CDH4: variants seen among roughly 807,000 people sequenced by gnomAD.
CDH4 encodes cadherin-4.
CDH4 carries 33 observed loss-of-function variants against 86.0 expected under a neutral mutation model. That is an observed-to-expected ratio of 0.38 (90% CI 0.29 to 0.51). The LOEUF (loss-of-function observed/expected upper bound fraction) is 0.51. Among genes scored for constraint, CDH4 ranks in the 20% least tolerant of loss-of-function variants. The pLI is 0.86. For missense variants in CDH4, 1,114 were observed against 1,307.4 expected (o/e 0.85, Z 2.28); for synonymous variants, 555 against 549.4 (o/e 1.01, Z -0.14).
chr20:61,556,036 C>A (rs1056858862), intron 2 of CDH4, among the ~76,000 whole-genome samples: 2 of 152,170 alleles, frequency 1.3e-5, no homozygotes, highest in African/African-American at 4.8e-5. Context: ...CTCCGGTGCA[C>A]CCCATGGTGG....
At chr20:61,639,122 C>T (rs1426118150) in intron 2 of CDH4, among the ~76,000 whole-genome samples, 1 of 152,202 alleles carries the variant, frequency 6.6e-6, no homozygotes. Context: ...GCGGGATAAA[C>T]GACGTCCCAC....
chr20:61,928,211 C>T lies in CDH4; in HGVS notation c.1793C>T (p.Thr598Ile). Residue 598 changes from threonine to isoleucine, a missense_variant, in exon 12 of 16, where the codon ACC becomes ATC. By Grantham distance (89) the Thr-to-Ile change is moderately conservative. Around this residue, in one of 3 missense-constraint regions of CDH4, gnomAD observed 705 missense variants for 914.1 expected, o/e 0.77. Transcript: ENST00000614565. Reference protein sequence around the residue: ...ADNGIPPASGTGTLQIYLIDI... With the variant: ...ADNGIPPASGIGTLQIYLIDI... ...ACAGGGATACCCCCGGCCAGCGGCA[C>T]CGGGACCCTCCAGATCTATCTCATT... is the stretch of plus-strand genomic sequence containing the variant. The T allele has an allele frequency of 1.2e-6, 2 of 1,601,978 alleles. No individual in the cohort carries two copies. The highest frequency in any genetic ancestry group is 8.5e-7 in the Non-Finnish European group (1 of 1,179,840).
chr20:61,857,152 A>C (rs1983055838), intron 6 of CDH4, among the ~76,000 whole-genome samples: 1 of 152,222 alleles, frequency 6.6e-6, no homozygotes, highest in Non-Finnish European at 1.5e-5. Flanking sequence ...CCCGGGGCAG[A>C]GGGTGACAGC....
chr20:61,381,007 C>T (rs2084897507), intron 2 of CDH4, among the ~76,000 whole-genome samples: 1 of 152,204 alleles, frequency 6.6e-6, no homozygotes, highest in African/African-American at 2.4e-5. Flanking sequence ...CGCAGCGTGA[C>T]ATAGTCCCTG....
rs1238635606 is a variant in CDH4 at position 61,283,503 on chromosome 20, C to T, written c.169+28566C>T. 1.8e-5 allele frequency among the ~76,000 whole-genome samples: 2 copies of T among 113,998 alleles called. 1 individual carries two copies. Among genetic ancestry groups the T allele is most frequent in the Non-Finnish European group, 3.5e-5 (2 of 56,930 alleles). The allele number at this position is 113,998 out of a possible 152,430, so 74.8% of individuals were successfully genotyped here. A position where few individuals can be genotyped will look rare whatever the true frequency, so the allele number is the denominator to read the frequency against. On this transcript the variant is annotated intron_variant, in intron 2 of 15. Coordinates refer to ENST00000614565, the MANE Select transcript of CDH4 (RefSeq NM_001794.5). ...GGTGTGTGATGTAGGTGCATTTGCA[C>T]GCGTGTGCTGTGGTGTGTGATGTAG...
chr20:61,649,845 A>C lies in CDH4; in HGVS notation c.170-93718A>C, dbSNP rs79651627. 4.7e-3 allele frequency among the ~76,000 whole-genome samples: 711 copies of C among 152,320 alleles called. 2 individuals carry two copies. The highest frequency in any genetic ancestry group is 7.6e-3 in the Non-Finnish European group (517 of 68,024). On this transcript the variant is annotated intron_variant, in intron 2 of 15. Transcript: ENST00000614565. ...TATTTCCTGGGCTGTGACACCTGAAAGAAGGAAGACTGAGGCAGGACCTTT... is the reference window on the plus strand; with the variant it reads ...TATTTCCTGGGCTGTGACACCTGAACGAAGGAAGACTGAGGCAGGACCTTT...
chr20:61,320,374 C>G lies in CDH4; in HGVS notation c.169+65437C>G, dbSNP rs141148311. 7.4e-3 allele frequency among the ~76,000 whole-genome samples: 1,125 copies of G among 152,232 alleles called. 11 individuals carry two copies. Among genetic ancestry groups the G allele is most frequent in the Non-Finnish European group, 0.012 (805 of 68,012 alleles). On this transcript the variant is annotated intron_variant, in intron 2 of 15. Transcript: ENST00000614565. Reference sequence around the variant, plus strand: ...GTCATTTTTCTAGTCCCTGGGGGCTCACAGCCTGGTGGGCAAGAGGAGCAC... The same window carrying G: ...GTCATTTTTCTAGTCCCTGGGGGCTGACAGCCTGGTGGGCAAGAGGAGCAC...
intron 7 of CDH4, among the ~76,000 whole-genome samples, chr20:61,883,710 G>A (rs923099184): frequency 6.6e-6 from 1 of 152,166 alleles, no homozygotes; most frequent in African/African-American, 2.4e-5. Flanking sequence ...ACCCAGGGGT[G>A]GGGGGCCAAG....
At chr20:61,725,142 G>C (rs182942981) in intron 2 of CDH4, among the ~76,000 whole-genome samples, 1 of 152,192 alleles carries the variant, frequency 6.6e-6, no homozygotes, top group Non-Finnish European at 1.5e-5. Context: ...TAAAAAGGTG[G>C]AGGAGTGAAG....
chr20:61,895,990 G>A (rs1985088054), intron 8 of CDH4, among the ~76,000 whole-genome samples: 2 of 152,202 alleles, frequency 1.3e-5, no homozygotes, highest in Non-Finnish European at 2.9e-5. Context: ...AGTGGCCGTG[G>A]CCCTGAGATG....
At chr20:61,614,065 T>A (rs1019817270) in intron 2 of CDH4, among the ~76,000 whole-genome samples, 1 of 152,106 alleles carries the variant, frequency 6.6e-6, no homozygotes, top group African/African-American at 2.4e-5. Context: ...AATGAGAAAT[T>A]GACTTAGTCT....
At chr20:61,645,604 T>C (rs891186051) in intron 2 of CDH4, among the ~76,000 whole-genome samples, 2 of 148,802 alleles carry the variant, frequency 1.3e-5, no homozygotes, top group African/African-American at 5.0e-5. Flanking sequence ...TACTGCAGCC[T>C]GGGTGACAGA....
intron 3 of CDH4, among the ~76,000 whole-genome samples, chr20:61,747,422 G>A (rs1318119672): frequency 6.8e-6 from 1 of 146,414 alleles, no homozygotes; most frequent in Non-Finnish European, 1.5e-5. Flanking sequence ...CTCCAGCCTA[G>A]GCAACAGAGT....
chr20:61,353,609 TCCTCTTCCTCCTCCTCCTCATCCTCCTCC>T (rs2084726279), intron 2 of CDH4, among the ~76,000 whole-genome samples: 2 of 27,606 alleles, frequency 7.2e-5, no homozygotes, highest in African/African-American at 1.8e-4. Flanking sequence ...TTCCACTTCC[TCCTCTTCCTCCTCCTCCTCATCCTCCTCC>T]TCTTCCCCCT....
chr20:61,553,865 G>C (rs1356572326), intron 2 of CDH4, among the ~76,000 whole-genome samples: 1 of 152,228 alleles, frequency 6.6e-6, no homozygotes, highest in Non-Finnish European at 1.5e-5. Flanking sequence ...CGGGAGGCAA[G>C]TTCCCTCCAA....
chr20:61,781,501 C>T (rs1238143677), intron 4 of CDH4, among the ~76,000 whole-genome samples: 1 of 152,130 alleles, frequency 6.6e-6, no homozygotes, highest in Non-Finnish European at 1.5e-5. Flanking sequence ...TAACGGAAAA[C>T]TCACTGGATG....
At chr20:61,834,933 A>T (rs1350222981) in intron 4 of CDH4, among the ~76,000 whole-genome samples, 1 of 152,186 alleles carries the variant, frequency 6.6e-6, no homozygotes, top group African/African-American at 2.4e-5. Flanking sequence ...GTTTTCAGAG[A>T]GTCTCTCACT....
At chr20:61,348,588 T>G (rs565592345) in intron 2 of CDH4, among the ~76,000 whole-genome samples, 3 of 152,220 alleles carry the variant, frequency 2.0e-5, no homozygotes, top group Admixed American at 6.5e-5. Flanking sequence ...CTCTTTAATT[T>G]TCTTTCACTT....
intron 4 of CDH4, among the ~76,000 whole-genome samples, chr20:61,804,760 G>A (rs756785924): frequency 3.9e-5 from 6 of 152,326 alleles, no homozygotes; most frequent in Non-Finnish European, 7.4e-5. Context: ...ATCTAAGTAC[G>A]AAACCAGAAG....
Sources: allele counts gnomAD v4.1 joint callset (sites outside exome capture counted in the v4.1 genomes callset), GRCh38; gene constraint gnomAD v4.1.1; regional missense constraint gnomAD v4.1.1; transcripts MANE v1.5; gene names NCBI Gene and HGNC (gene_info 2026-07-23, HGNC 2026-07-21).